GCN1: variants seen among roughly 807,000 people sequenced by gnomAD.
GCN1 encodes stalled ribosome sensor GCN1.
GCN1 carries 90 observed loss-of-function variants against 288.4 expected under a neutral mutation model. The ratio of observed to expected loss-of-function variants is 0.31; its 90% CI spans 0.26 to 0.37. GCN1 has a LOEUF of 0.37. Among genes scored for constraint, GCN1 ranks in the 10% least tolerant of loss-of-function variants. GCN1 has a pLI of 1.00. For missense variants in GCN1, 2,586 were observed against 3,419.9 expected (o/e 0.76, Z 6.08); for synonymous variants, 1,386 against 1,420.2 (o/e 0.98, Z 0.54).
Position 120,158,431 on chromosome 12 carries a change from G to A in GCN1, c.2905+29C>T. ...TTCCTGGCACCAGCTCACACCGCCT[G>A]GTGCCCCTGATCCCGTCCCAGCCCT... is the stretch of plus-strand genomic sequence containing the variant. On this transcript the variant is annotated intron_variant, in intron 25 of 57. Coordinates refer to ENST00000300648, the MANE Select transcript of GCN1 (RefSeq NM_006836.2). This position sits in a 1 kb window ranked among gnomAD's most constrained non-coding sequence, Gnocchi z 4.3. The A allele has an allele frequency of 6.6e-7, 1 of 1,522,864 alleles. No homozygotes were observed. Among genetic ancestry groups the A allele is most frequent in the Non-Finnish European group, 8.8e-7 (1 of 1,131,320 alleles). The allele number at this position is 1,522,864 out of a possible 1,614,324, so 94.3% of individuals were successfully genotyped here.
At position 120,194,564 on chromosome 12, in the gene GCN1, C is replaced by T. The variant is rs938895335; in HGVS notation, c.18+116G>A. 11 of 984,712 alleles carry T rather than the reference C, an allele frequency of 1.1e-5. No individual in the cohort carries two copies. The African/African-American group carries it at 1.7e-4, about 15-fold the overall frequency. The allele number at this position is 984,712 out of a possible 1,614,324, so 61.0% of individuals were successfully genotyped here. A position where few individuals can be genotyped will look rare whatever the true frequency, so the allele number is the denominator to read the frequency against. On this transcript the variant is annotated intron_variant, in intron 1 of 57. Coordinates refer to ENST00000300648, the MANE Select transcript of GCN1 (RefSeq NM_006836.2). Reference sequence around the variant, plus strand: ...GCCTGAGACGGCCCCGAGACTACGACCTCCACAGCCACCACCTCCAACGCC... The same window carrying T: ...GCCTGAGACGGCCCCGAGACTACGATCTCCACAGCCACCACCTCCAACGCC...
chr12:120,170,958 C>T (rs1241649295), intron 14 of GCN1, among the ~76,000 whole-genome samples: 1 of 151,584 alleles, frequency 6.6e-6, no homozygotes, highest in Non-Finnish European at 1.5e-5. Flanking sequence ...TCAGGAATTC[C>T]AGACCAGCCT....
chr12:120,175,276 T>A (rs1488270633), intron 11 of GCN1, 64 bp from the exon 12 acceptor site: 6 of 1,357,202 alleles, frequency 4.4e-6, no homozygotes, highest in Non-Finnish European at 5.3e-6. Context: ...GAGTGAACAA[T>A]GCAGTCACGT....
intron 9 of GCN1, 117 bp from the exon 10 acceptor site, chr12:120,176,334 A>G (rs1220851756): frequency 1.4e-6 from 1 of 699,730 alleles, no homozygotes. Context: ...CTTCATCTCT[A>G]CAGGCTACAT....
Position 120,158,911 on chromosome 12 carries a change from C to G in GCN1, c.2750-296G>C, listed in dbSNP as rs1194424807. Among the ~76,000 whole-genome samples, 2 of 151,390 alleles carry G rather than the reference C, an allele frequency of 1.3e-5. No individual in the cohort carries two copies. The highest frequency in any genetic ancestry group is 4.9e-5 in the African/African-American group (2 of 41,152). ...CCTGTAGTCCCAGCTACTCAGGAGG[C>G]TCAAGAAGGAGAATGGCATGAACCC... On this transcript the variant is annotated intron_variant, in intron 24 of 57. Coordinates refer to ENST00000300648, the MANE Select transcript of GCN1 (RefSeq NM_006836.2). The surrounding 1 kb of genome is among the most constrained non-coding windows in gnomAD (Gnocchi z 4.3).
At chr12:120,194,645 C>A in intron 1 of GCN1, 35 bp downstream of exon 1, 12 of 1,511,614 alleles carry the variant, frequency 7.9e-6, no homozygotes, top group Non-Finnish European at 1.1e-5. Flanking sequence ...GCACCCAGTC[C>A]CTGGCCGCGT....
chr12:120,174,448 G>T (rs1202083024), intron 12 of GCN1, among the ~76,000 whole-genome samples: 2 of 152,190 alleles, frequency 1.3e-5, no homozygotes, highest in East Asian at 3.8e-4. Flanking sequence ...ATCGTCACAG[G>T]AGTCAAGATG....
chr12:120,129,128 C>A (rs1876725331), intron 57 of GCN1, 148 bp downstream of exon 57: 2 of 714,110 alleles, frequency 2.8e-6, no homozygotes, highest in Non-Finnish European at 4.7e-6. Flanking sequence ...CGCGCCCGGC[C>A]CCAGTCACCC....
At chr12:120,148,994 TTTTTTTG>T (rs1877448726) in intron 36 of GCN1, among the ~76,000 whole-genome samples, 1 of 151,518 alleles carries the variant, frequency 6.6e-6, no homozygotes, top group Non-Finnish European at 1.5e-5. Flanking sequence ...CTATTTTTTT[TTTTTTTG>T]GTAGAGGTAG....
In GCN1 at chr12:120,157,891, C is replaced by T. The variant is rs1008510986; in HGVS notation, c.3045G>A (p.Gln1015=). The change falls in exon 26 of 58, where the codon CAG becomes CAA. Residue 1015 remains glutamine (Q), a synonymous_variant. Transcript: ENST00000300648. ...GTGGGGTGTTGGGGGAGGCCCTCAG[C>T]TGGGCTTGGACAGTGAGGATCTGAA... is the stretch of plus-strand genomic sequence containing the variant. ...QILQILTVQA[Q]LRASPNTPPG... The T allele has an allele frequency of 2.7e-5, 43 of 1,613,860 alleles. No individual in the cohort carries two copies. The highest frequency in any genetic ancestry group is 3.6e-5 in the Non-Finnish European group (43 of 1,180,030).
At chr12:120,174,789 CAAAA>C (rs1212428710) in intron 12 of GCN1, among the ~76,000 whole-genome samples, 1 of 30,400 alleles carries the variant, frequency 3.3e-5, no homozygotes, top group Non-Finnish European at 6.8e-5. Context: ...GACTCCATCT[CAAAA>C]AAAAAAAAAA....
chr12:120,158,118 G>A lies in GCN1; in HGVS notation c.2906-88C>T. 2.2e-6 allele frequency: 3 copies of A among 1,339,154 alleles called. No individual in the cohort carries two copies. Among genetic ancestry groups the A allele is most frequent in the Non-Finnish European group, 2.1e-6 (2 of 957,544 alleles). 83.0% of individuals were successfully genotyped at this position (1,339,154 alleles called of 1,614,324 possible). A position where few individuals can be genotyped will look rare whatever the true frequency, so the allele number is the denominator to read the frequency against. ...TATTTCTATCCTCAGGGAAAGTAGG[G>A]AACGGATGGACCAGAGGCCCGTTCT... On this transcript the variant is annotated intron_variant, in intron 25 of 57. Coordinates refer to ENST00000300648, the MANE Select transcript of GCN1 (RefSeq NM_006836.2). The surrounding 1 kb of genome is among the most constrained non-coding windows in gnomAD (Gnocchi z 4.3).
chr12:120,191,582 A>G (rs1879005555), intron 1 of GCN1, among the ~76,000 whole-genome samples: 1 of 152,232 alleles, frequency 6.6e-6, no homozygotes, highest in Admixed American at 6.5e-5. Context: ...ACACAGAAAT[A>G]AAATAATGCT....
Position 120,175,653 on chromosome 12 carries a change from G to A in GCN1, c.1042+93C>T, listed in dbSNP as rs1232035303. 1.2e-5 allele frequency: 16 copies of A among 1,342,102 alleles called. No individual in the cohort carries two copies. The East Asian group carries it at 4.0e-4, about 34-fold the overall frequency. 83.1% of individuals were successfully genotyped at this position (1,342,102 alleles called of 1,614,324 possible). A position where few individuals can be genotyped will look rare whatever the true frequency, so the allele number is the denominator to read the frequency against. On this transcript the variant is annotated intron_variant, in intron 11 of 57. Coordinates refer to ENST00000300648, the MANE Select transcript of GCN1 (RefSeq NM_006836.2). ...TGGCCACACAGCCTTGCCACAGGCA[G>A]ACTTGGAGCATCAAGTCCCCTTCAG...
At chr12:120,194,558 C>T in intron 1 of GCN1, 122 bp downstream of exon 1, 2 of 960,194 alleles carry the variant, frequency 2.1e-6, no homozygotes, top group Non-Finnish European at 3.0e-6. Context: ...GGCCCCGAGA[C>T]TACGACCTCC....
intron 26 of GCN1, among the ~76,000 whole-genome samples, chr12:120,157,621 T>C (rs1314649857): frequency 6.6e-6 from 1 of 152,210 alleles, no homozygotes; most frequent in African/African-American, 2.4e-5. Flanking sequence ...TCAGGTGAAC[T>C]GACATGTACT....
Position 120,146,182 on chromosome 12 carries a change from G to A in GCN1, c.4948-852C>T, listed in dbSNP as rs977506093. The stretch of plus-strand genomic sequence containing the variant: ...CTCGGGAGGCTGAGGCAGGAGAATC[G>A]CTTGAACCCAGGCGGCAGAGGTTGC... On this transcript the variant is annotated intron_variant, in intron 38 of 57. Transcript: ENST00000300648. Among the ~76,000 whole-genome samples, 34 of 149,838 alleles carry A rather than the reference G, an allele frequency of 2.3e-4. No individual in the cohort carries two copies. In the Admixed American group the frequency reaches 2.3e-3, roughly 10 times the overall value.
At chr12:120,138,476 C>T in intron 46 of GCN1, 61 bp from the exon 47 acceptor site, 3 of 1,112,364 alleles carry the variant, frequency 2.7e-6, no homozygotes, top group Non-Finnish European at 4.2e-6. Context: ...CAACCAGCCA[C>T]CGCCAACTTC....
intron 2 of GCN1, among the ~76,000 whole-genome samples, chr12:120,189,840 G>A (rs1440558188): frequency 3.9e-5 from 6 of 152,092 alleles, no homozygotes. Flanking sequence ...TTAGCTGGGT[G>A]TGGTGGCGCA....
Sources: gnomAD v4.1 joint callset for allele counts (sites outside exome capture counted in the v4.1 genomes callset) on GRCh38, gnomAD v4.1.1 for gene constraint, Gnocchi (gnomAD v3.1) non-coding constraint, MANE v1.5 for transcripts, NCBI Gene and HGNC (gene_info 2026-07-23, HGNC 2026-07-21) for gene names.